HS3ST4: variants seen among roughly 807,000 people sequenced by gnomAD.
HS3ST4 encodes the protein heparan sulfate-glucosamine 3-sulfotransferase 4, also known as heparan sulfate glucosamine 3-O-sulfotransferase 4.
HS3ST4 carries 17 observed loss-of-function variants against 29.2 expected under a neutral mutation model. The observed-to-expected ratio is 0.58, with a 90% CI of 0.40 to 0.87. HS3ST4 has a LOEUF of 0.87. Ranked by LOEUF, HS3ST4 falls within the 40% of genes least tolerant of loss-of-function variation. The pLI, the probability that HS3ST4 is intolerant of heterozygous loss-of-function variation, is 0.00. For missense variants in HS3ST4, 627 were observed against 634.5 expected, an observed-to-expected ratio of 0.99 and a Z score of 0.13; for synonymous variants, 314 against 285.7, an observed-to-expected ratio of 1.10 and a Z score of -1.00.
chr16:25,992,514 A>T (rs544987654), intron 1 of HS3ST4, among the ~76,000 whole-genome samples: 50 of 152,256 alleles, frequency 3.3e-4, no homozygotes, highest in South Asian at 2.1e-4. Flanking sequence ...GGCTTATCAG[A>T]CTCTTTGTAC....
intron 1 of HS3ST4, among the ~76,000 whole-genome samples, chr16:25,845,142 C>G (rs1967451917): frequency 6.6e-6 from 1 of 152,108 alleles, no homozygotes; most frequent in South Asian, 2.1e-4. Flanking sequence ...AGCAAACCAC[C>G]ATGGCACACC....
chr16:25,924,044 C>G (rs554917816), intron 1 of HS3ST4, among the ~76,000 whole-genome samples: 1 of 152,254 alleles, frequency 6.6e-6, no homozygotes, highest in African/African-American at 2.4e-5. Flanking sequence ...CTTCACTTGG[C>G]TATTTTAAAT....
Position 25,851,756 on chromosome 16 carries a change from A to T in HS3ST4, c.734+158605A>T, listed in dbSNP as rs73513375. 4.3e-3 allele frequency among the ~76,000 whole-genome samples: 662 copies of T among 152,242 alleles called. 3 individuals are homozygous for T. The highest frequency in any genetic ancestry group is 0.015 in the African/African-American group (618 of 41,538). On this transcript the variant is annotated intron_variant, in intron 1 of 1. Transcript: ENST00000331351. ...AACTAATAGCCTTGAAATACACTAG[A>T]CATAGCAAACAACCGAGAATTCATC...
intron 1 of HS3ST4, among the ~76,000 whole-genome samples, chr16:25,803,006 T>C (rs1180370120): frequency 6.6e-6 from 1 of 151,898 alleles, no homozygotes; most frequent in African/African-American, 2.4e-5. Flanking sequence ...TATATAGTTT[T>C]ATATACATAT....
intron 1 of HS3ST4, among the ~76,000 whole-genome samples, chr16:25,814,321 G>A (rs1194449744): frequency 6.7e-6 from 1 of 149,528 alleles, no homozygotes; most frequent in Non-Finnish European, 1.5e-5. Flanking sequence ...CACTGATGTT[G>A]TTATGTCTGG....
chr16:25,693,197 C>T (rs377122129), intron 1 of HS3ST4, 46 bp downstream of exon 1: 3 of 1,493,802 alleles, frequency 2.0e-6, no homozygotes, highest in African/African-American at 2.9e-5. Context: ...GTGGGGGAGA[C>T]GCGGAGGGGA....
At chr16:25,852,185 C>G (rs956026610) in intron 1 of HS3ST4, among the ~76,000 whole-genome samples, 1 of 152,198 alleles carries the variant, frequency 6.6e-6, no homozygotes, top group Non-Finnish European at 1.5e-5. Context: ...CCTACTCTCT[C>G]TTAGTTTTAC....
At chr16:25,833,717 G>C (rs1372486606) in intron 1 of HS3ST4, among the ~76,000 whole-genome samples, 1 of 152,148 alleles carries the variant, frequency 6.6e-6, no homozygotes, top group Non-Finnish European at 1.5e-5. Flanking sequence ...GGACAGGGGA[G>C]ACTCAGTCTG....
chr16:25,987,222 T>C (rs893779561), intron 1 of HS3ST4, among the ~76,000 whole-genome samples: 10 of 152,106 alleles, frequency 6.6e-5, no homozygotes, highest in African/African-American at 2.4e-4. Flanking sequence ...TGGTGGCACA[T>C]GCCTGTAATC....
intron 1 of HS3ST4, among the ~76,000 whole-genome samples, chr16:25,965,487 G>T (rs74013224): frequency 0.081 from 12,357 of 151,974 alleles, 712 homozygotes; most frequent in African/African-American, 0.14. Flanking sequence ...AACAGCTGAG[G>T]TTGTGTGAAT....
chr16:26,024,529 C>G (rs561448856), intron 1 of HS3ST4, among the ~76,000 whole-genome samples: 2 of 151,960 alleles, frequency 1.3e-5, no homozygotes, highest in East Asian at 3.9e-4. Context: ...GTCAGGAGTT[C>G]AAGACCAGCC....
intron 1 of HS3ST4, among the ~76,000 whole-genome samples, chr16:25,835,531 G>A (rs1184638329): frequency 6.6e-6 from 1 of 151,978 alleles, no homozygotes; most frequent in Non-Finnish European, 1.5e-5. Flanking sequence ...ATTGAGCATT[G>A]TACCTACCAT....
chr16:25,805,133 A>G (rs1306237621), intron 1 of HS3ST4, among the ~76,000 whole-genome samples: 1 of 152,130 alleles, frequency 6.6e-6, no homozygotes, highest in Non-Finnish European at 1.5e-5. Context: ...TCAGAGGAAA[A>G]TATCTCCTAA....
At position 25,789,762 on chromosome 16, in the gene HS3ST4, A is replaced by G. The variant is rs187641168; in HGVS notation, c.734+96611A>G. Among the ~76,000 whole-genome samples the G allele has an allele frequency of 2.4e-3, 372 of 152,236 alleles. 1 individual carries two copies. Among genetic ancestry groups the G allele is most frequent in the African/African-American group, 8.4e-3 (350 of 41,562 alleles). On this transcript the variant is annotated intron_variant, in intron 1 of 1. Transcript: ENST00000331351. The stretch of plus-strand genomic sequence containing the variant: ...TCATAGTCACTACTCTCCAATAACT[A>G]GGACTATTATTGCTTCTATTTCCAC...
intron 1 of HS3ST4, among the ~76,000 whole-genome samples, chr16:25,778,536 C>T (rs1481348479): frequency 6.6e-6 from 1 of 152,194 alleles, no homozygotes; most frequent in Non-Finnish European, 1.5e-5. Context: ...TTGTTTGGTC[C>T]AACACCAGTC....
At chr16:25,784,712 C>G (rs368683670) in intron 1 of HS3ST4, among the ~76,000 whole-genome samples, 7 of 152,090 alleles carry the variant, frequency 4.6e-5, no homozygotes, top group East Asian at 1.9e-4. Flanking sequence ...AGGAAAGAAG[C>G]CATCTCCATA....
chr16:26,025,504 T>C (rs1468574375), intron 1 of HS3ST4, among the ~76,000 whole-genome samples: 2 of 152,166 alleles, frequency 1.3e-5, no homozygotes, highest in Non-Finnish European at 2.9e-5. Flanking sequence ...AGCCACTTTG[T>C]TTGAAACAGA....
chr16:26,005,865 C>T (rs928827897), intron 1 of HS3ST4, among the ~76,000 whole-genome samples: 3 of 152,088 alleles, frequency 2.0e-5, no homozygotes, highest in South Asian at 2.1e-4. Flanking sequence ...TCCTGTCCAT[C>T]GTAGGATATT....
chr16:25,993,949 CGTGTGTGT>C (rs56226178), intron 1 of HS3ST4, among the ~76,000 whole-genome samples: 16,344 of 121,282 alleles, frequency 0.13, 1,180 homozygotes, highest in East Asian at 0.2. Context: ...CACATAACCT[CGTGTGTGT>C]GTGTGTGTGT....
Sources: allele counts gnomAD v4.1 joint callset (sites outside exome capture counted in the v4.1 genomes callset), GRCh38; gene constraint gnomAD v4.1.1; transcripts MANE v1.5; gene names NCBI Gene and HGNC (gene_info 2026-07-23, HGNC 2026-07-21).